The following MDGA2 variants were observed in gnomAD, a reference collection of about 807,000 sequenced individuals.
MDGA2 encodes the protein MAM domain-containing glycosylphosphatidylinositol anchor protein 2.
In MDGA2, 40 loss-of-function variants were observed where a neutral mutation model predicts 117.8. The ratio of observed to expected loss-of-function variants is 0.34; its 90% confidence interval spans 0.26 to 0.44. The LOEUF is 0.44. Among genes scored for constraint, MDGA2 ranks in the 20% least tolerant of loss-of-function variants. The probability of loss-of-function intolerance (pLI) is 1.00; values close to 1 mark genes in which losing one functional copy is unlikely to be tolerated. For synonymous variants in MDGA2, 452 were observed against 439.0 expected (o/e 1.03, Z -0.37); for missense variants, 1,123 against 1,250.6 (o/e 0.90, Z 1.54).
chr14:46,982,734 A>AAAAAATACTAAT (rs1449356596), intron 8 of MDGA2, among the ~76,000 whole-genome samples: 1 of 130,326 alleles, frequency 7.7e-6, no homozygotes, highest in Non-Finnish European at 1.7e-5. Flanking sequence ...AAAAAAAAAA[A>AAAAAATACTAAT]AATCATGTCA....
chr14:47,141,324 C>A (rs747569312), intron 4 of MDGA2, among the ~76,000 whole-genome samples: 13 of 152,034 alleles, frequency 8.6e-5, no homozygotes, highest in African/African-American at 3.1e-4. Context: ...GACAGTATGT[C>A]GAGGAGATAC....
chr14:47,238,118 C>G (rs949373931), intron 2 of MDGA2, among the ~76,000 whole-genome samples: 1 of 152,188 alleles, frequency 6.6e-6, no homozygotes, highest in African/African-American at 2.4e-5. Context: ...CTTTTAACTT[C>G]ATGCAAGCCT....
chr14:47,595,942 T>C (rs1472955919), intron 1 of MDGA2, among the ~76,000 whole-genome samples: 1 of 151,988 alleles, frequency 6.6e-6, no homozygotes, highest in Non-Finnish European at 1.5e-5. Context: ...ACAAGCCAAA[T>C]ATGAAAGGTT....
At chr14:47,636,184 TC>T (rs1290773795) in intron 1 of MDGA2, among the ~76,000 whole-genome samples, 5 of 152,066 alleles carry the variant, frequency 3.3e-5, no homozygotes, top group African/African-American at 9.6e-5. Flanking sequence ...AACACTTTGA[TC>T]CCCCCAGACT....
At chr14:46,941,655 C>A (rs1885004889) in intron 9 of MDGA2, among the ~76,000 whole-genome samples, 1 of 152,016 alleles carries the variant, frequency 6.6e-6, no homozygotes, top group African/African-American at 2.4e-5. Flanking sequence ...ACCGGAAAAT[C>A]TAAATGTGCT....
intron 15 of MDGA2, among the ~76,000 whole-genome samples, chr14:46,846,424 A>G (rs1475568358): frequency 6.6e-6 from 1 of 152,032 alleles, no homozygotes; most frequent in Admixed American, 6.6e-5. Context: ...TACCTCCATG[A>G]TTTCACTGCT....
At chr14:47,574,747 T>C (rs1455622693) in intron 1 of MDGA2, among the ~76,000 whole-genome samples, 3 of 152,166 alleles carry the variant, frequency 2.0e-5, no homozygotes. Flanking sequence ...ACACCAACAC[T>C]GTAAGGTAGT....
chr14:47,172,282 T>A (rs1029234765), intron 3 of MDGA2, among the ~76,000 whole-genome samples: 15 of 152,070 alleles, frequency 9.9e-5, no homozygotes, highest in African/African-American at 3.6e-4. Context: ...TCCGACAGCT[T>A]TGAAGAGAGC....
Position 47,301,422 on chromosome 14 carries a change from G to A in MDGA2, c.409C>T (p.Pro137Ser). The A allele has an allele frequency of 1.3e-6, 2 of 1,551,796 alleles. No individual in the cohort carries two copies. Among genetic ancestry groups the A allele is most frequent in the Non-Finnish European group, 1.7e-6 (2 of 1,147,014 alleles). Reference protein sequence around the residue: ...LELTCLVTGHPRPQIRWTKTA... With the variant: ...LELTCLVTGHSRPQIRWTKTA... ...AGTTCGGGACTCACCTGTGGACGTG[G>A]ATGTCCTGTGACTAGACAAGTCAAC... The change falls in exon 2 of 17, where the codon CCA becomes TCA. Residue 137 changes from proline (P) to serine (S), a missense_variant. Around this residue, in one of 2 missense-constraint regions of MDGA2, gnomAD observed 233 missense variants for 200.3 expected, o/e 1.16. Coordinates refer to ENST00000399232, the MANE Select transcript of MDGA2 (RefSeq NM_001113498.3).
At chr14:47,315,001 T>G (rs1889761184) in intron 1 of MDGA2, among the ~76,000 whole-genome samples, 1 of 152,122 alleles carries the variant, frequency 6.6e-6, no homozygotes, top group South Asian at 2.1e-4. Context: ...ACAATGATGA[T>G]GCTTGGAAAA....
chr14:47,104,426 C>G (rs1207251394), intron 5 of MDGA2, among the ~76,000 whole-genome samples: 1 of 130,204 alleles, frequency 7.7e-6, no homozygotes, highest in Non-Finnish European at 1.6e-5. Flanking sequence ...AAAAGCACCC[C>G]CACTGAGCAC....
At chr14:47,022,161 T>C (rs1397332315) in intron 8 of MDGA2, among the ~76,000 whole-genome samples, 3 of 152,170 alleles carry the variant, frequency 2.0e-5, no homozygotes, top group Non-Finnish European at 4.4e-5. Flanking sequence ...AACGGCTCAC[T>C]GCAGCCCTGA....
At chr14:47,574,574 A>G (rs919355253) in intron 1 of MDGA2, among the ~76,000 whole-genome samples, 15 of 152,154 alleles carry the variant, frequency 9.9e-5, no homozygotes, top group South Asian at 4.1e-4. Context: ...GTCAATTGTA[A>G]TATCTGATTT....
chr14:46,873,959 A>G (rs751841100), intron 13 of MDGA2, 86 bp downstream of exon 13: 7 of 1,099,312 alleles, frequency 6.4e-6, no homozygotes, highest in Non-Finnish European at 7.7e-6. Flanking sequence ...ATCTTCAAAT[A>G]TATGGCTAAA....
At chr14:47,511,829 G>A (rs116310499) in intron 1 of MDGA2, among the ~76,000 whole-genome samples, 2,207 of 152,268 alleles carry the variant, frequency 0.014, 43 homozygotes, top group African/African-American at 0.05. Flanking sequence ...TCATTGAATT[G>A]AGGAGAAAGG....
intron 7 of MDGA2, among the ~76,000 whole-genome samples, chr14:47,036,959 G>A (rs1888878008): frequency 6.6e-6 from 1 of 152,138 alleles, no homozygotes; most frequent in Non-Finnish European, 1.5e-5. Flanking sequence ...CCACCATTTT[G>A]AAGTAGATAT....
At chr14:46,872,145 C>T (rs901212804) in intron 14 of MDGA2, among the ~76,000 whole-genome samples, 2 of 151,972 alleles carry the variant, frequency 1.3e-5, no homozygotes, top group Admixed American at 1.3e-4. Flanking sequence ...TCAGTTTTCT[C>T]CACGGTAAAA....
chr14:47,502,872 G>A (rs1894426656), intron 1 of MDGA2, among the ~76,000 whole-genome samples: 1 of 151,922 alleles, frequency 6.6e-6, no homozygotes. Flanking sequence ...TGTAGAGAAG[G>A]GGTCTGGCTT....
intron 1 of MDGA2, among the ~76,000 whole-genome samples, chr14:47,630,510 G>T (rs1400843222): frequency 6.6e-6 from 1 of 152,110 alleles, no homozygotes; most frequent in African/African-American, 2.4e-5. Flanking sequence ...TGTTTCTTCA[G>T]TAAAAATCTT....
Sources: allele counts gnomAD v4.1 joint callset (sites outside exome capture counted in the v4.1 genomes callset), GRCh38; gene constraint gnomAD v4.1.1; regional missense constraint gnomAD v4.1.1; transcripts MANE v1.5; gene names NCBI Gene and HGNC (gene_info 2026-07-23, HGNC 2026-07-21).